Variants in NLGN4X observed in about 807,000 individuals in gnomAD.
The protein encoded by NLGN4X is neuroligin 4 X-linked, also known as neuroligin-4, X-linked.
In NLGN4X, 3 loss-of-function variants were observed where a neutral mutation model predicts 40.3. That is an observed-to-expected ratio of 0.07 (90% CI 0.03 to 0.19). The LOEUF (loss-of-function observed/expected upper bound fraction) is 0.19. NLGN4X is among the 10% of genes least tolerant of loss of function. NLGN4X has a pLI of 1.00. For missense variants in NLGN4X, 382 were observed against 708.3 expected (o/e 0.54, Z 5.23); for synonymous variants, 270 against 306.8 (o/e 0.88, Z 1.25).
At position 6,079,867 on chromosome X, in the gene NLGN4X, C is replaced by A. The variant is rs2038301868; in HGVS notation, c.473-50435G>T. Among the ~76,000 whole-genome samples the A allele has an allele frequency of 4.5e-5, 5 of 111,239 alleles. No individual in the cohort carries two copies. In the Admixed American group the frequency reaches 4.8e-4, roughly 11 times the overall value. On this transcript the variant is annotated intron_variant, in intron 2 of 5. Transcript: ENST00000381095. ...ACTCCTTACTGCAATCCTCTGAGGT[C>A]TCTGTTCTAAATTTTCCAGACAGCT...
intron 3 of NLGN4X, among the ~76,000 whole-genome samples, chrX:5,912,634 A>AATTCTAT (rs1404493568): frequency 1.8e-5 from 2 of 109,588 alleles, no homozygotes; most frequent in Non-Finnish European, 3.8e-5. Context: ...ACTGATACAG[A>AATTCTAT]ATTCTATGAG....
At chrX:5,967,950 C>A (rs1655984657) in intron 3 of NLGN4X, among the ~76,000 whole-genome samples, 1 of 111,024 alleles carries the variant, frequency 9.0e-6, no homozygotes, top group South Asian at 3.9e-4. Context: ...AATTTAGAGT[C>A]TTGAAAACTG....
intron 3 of NLGN4X, among the ~76,000 whole-genome samples, chrX:5,994,672 T>C (rs966923878): frequency 5.4e-5 from 6 of 112,137 alleles, no homozygotes; most frequent in Non-Finnish European, 9.4e-5. Flanking sequence ...ATATCGCTTA[T>C]TGGGAAGAGC....
intron 2 of NLGN4X, among the ~76,000 whole-genome samples, 157 bp downstream of exon 2, chrX:6,150,838 T>C (rs1025846705): frequency 4.5e-5 from 5 of 112,135 alleles, no homozygotes; most frequent in Non-Finnish European, 5.6e-5. Flanking sequence ...ATGTGGTAAG[T>C]TGCTGCAAGA....
In NLGN4X at chrX:6,153,134, T is replaced by C. The variant is rs143975480; in HGVS notation, c.-305-1363A>G. 2.0e-4 allele frequency among the ~76,000 whole-genome samples: 23 copies of C among 112,462 alleles called. No individual in the cohort carries two copies. The East Asian group carries it at 3.1e-3, about 15-fold the overall frequency. On this transcript the variant is annotated intron_variant, in intron 1 of 5. Coordinates refer to ENST00000381095, the MANE Select transcript of NLGN4X (RefSeq NM_181332.3). ...GTGTTTCTAAGGATTTTGTGGGTTA[T>C]TCAGAGCATCTGCATCAGAAAATAA...
At position 5,903,450 on chromosome X, in the gene NLGN4X, G is replaced by C; in HGVS notation, c.1228C>G (p.Pro410Ala). 8.3e-7 allele frequency: 1 copy of C among 1,207,558 alleles called. No homozygotes were observed. The highest frequency in any genetic ancestry group is 1.8e-5 in the South Asian group (1 of 56,696). Residue 410 changes from proline to alanine, a missense_variant, in exon 5 of 6, where the codon CCT (proline) becomes GCT (alanine). Physicochemically the swap from Pro to Ala is conservative, Grantham distance 27. Transcript: ENST00000381095. ...TCCCGCAAAGTGTCTTTCCCTTCAG[G>C]GTAGCCGTAAAGGTTGTCCACGAAG... Reference protein sequence around the residue: ...SNFVDNLYGYPEGKDTLRETI... With the variant: ...SNFVDNLYGYAEGKDTLRETI...
At chrX:5,979,771 CATACATATATATGTGTAT>C (rs2035322055) in intron 3 of NLGN4X, among the ~76,000 whole-genome samples, 2 of 98,380 alleles carry the variant, frequency 2.0e-5, no homozygotes, top group Admixed American at 1.1e-4. Context: ...TATATACACA[CATACATATATATGTGTAT>C]ATATACACAC....
At chrX:6,032,730 C>A in intron 2 of NLGN4X, 1 of 1,189,007 alleles carries the variant, frequency 8.4e-7, no homozygotes, top group African/African-American at 1.8e-5. Flanking sequence ...ATATCATCTG[C>A]GTTTTTCTTT....
intron 2 of NLGN4X, among the ~76,000 whole-genome samples, chrX:6,088,819 T>C (rs1166211734): frequency 4.5e-5 from 5 of 112,025 alleles, no homozygotes; most frequent in Non-Finnish European, 7.5e-5. Context: ...GAATATACAT[T>C]CCTTTCTCTG....
intron 3 of NLGN4X, among the ~76,000 whole-genome samples, chrX:5,928,975 G>A (rs189563778): frequency 6.4e-5 from 7 of 109,172 alleles, no homozygotes; most frequent in Non-Finnish European, 7.6e-5. Flanking sequence ...ATGCACCACC[G>A]TGCCCAGAGA....
At chrX:6,093,996 CAG>C (rs1456929082) in intron 2 of NLGN4X, among the ~76,000 whole-genome samples, 1 of 111,678 alleles carries the variant, frequency 9.0e-6, no homozygotes, top group Non-Finnish European at 1.9e-5. Flanking sequence ...ATAGGAAAAA[CAG>C]ATGCCATAAA....
intron 2 of NLGN4X, among the ~76,000 whole-genome samples, chrX:6,052,227 C>A (rs1294756145): frequency 9.0e-6 from 1 of 111,521 alleles, no homozygotes; most frequent in African/African-American, 3.3e-5. Context: ...CTGTGTGGCA[C>A]TGAGGAGGAA....
intron 3 of NLGN4X, among the ~76,000 whole-genome samples, chrX:6,009,771 T>G (rs910523727): frequency 7.1e-5 from 8 of 112,483 alleles, no homozygotes; most frequent in Non-Finnish European, 1.5e-4. Context: ...ATTTTTCAAA[T>G]GTGGTTGGTT....
rs151026225 is a variant in NLGN4X, at chrX:6,082,534, C to T, written c.473-53102G>A. ...CCAGCCTGGGTGACAGACTGAGACT[C>T]TGTCTCAAAACATAAAAAATAAAAA... On this transcript the variant is annotated intron_variant, in intron 2 of 5. Transcript: ENST00000381095. Among the ~76,000 whole-genome samples the T allele has an allele frequency of 2.9e-4, 32 of 111,038 alleles. No homozygotes were observed. In the East Asian group the frequency reaches 9.0e-3, roughly 31 times the overall value.
intron 3 of NLGN4X, among the ~76,000 whole-genome samples, chrX:5,989,663 C>A (rs1002834020): frequency 3.6e-5 from 4 of 111,741 alleles, no homozygotes; most frequent in African/African-American, 6.5e-5. Flanking sequence ...TTTAATAACA[C>A]TTTAAAAATT....
intron 4 of NLGN4X, among the ~76,000 whole-genome samples, chrX:5,907,639 GC>G (rs748103116): frequency 7.8e-4 from 87 of 111,079 alleles, no homozygotes; most frequent in Non-Finnish European, 1.4e-3. Flanking sequence ...GCCAACATCA[GC>G]TTTTTCCAGG....
intron 3 of NLGN4X, among the ~76,000 whole-genome samples, chrX:5,945,279 C>T (rs2034084175): frequency 9.0e-6 from 1 of 111,276 alleles, no homozygotes; most frequent in Non-Finnish European, 1.9e-5. Context: ...GTGAGTACCC[C>T]ATACGAGAAA....
chrX:6,029,116 T>C (rs1427050317), intron 3 of NLGN4X, among the ~76,000 whole-genome samples, 164 bp downstream of exon 3: 1 of 112,054 alleles, frequency 8.9e-6, no homozygotes, highest in Non-Finnish European at 1.9e-5. Context: ...TGCACAAAGG[T>C]AGTAAAAGGA....
intron 3 of NLGN4X, among the ~76,000 whole-genome samples, chrX:5,959,394 T>G (rs888898709): frequency 1.8e-5 from 2 of 112,024 alleles, no homozygotes; most frequent in African/African-American, 6.5e-5. Context: ...TTTTGAATAT[T>G]TTAATGTTAT....
Sources: allele counts gnomAD v4.1 joint callset (sites outside exome capture counted in the v4.1 genomes callset), GRCh38; gene constraint gnomAD v4.1.1; transcripts MANE v1.5; gene names NCBI Gene and HGNC (gene_info 2026-07-23, HGNC 2026-07-21).